The following IL15RA variants were observed in gnomAD, a reference collection of about 807,000 sequenced individuals.
IL15RA encodes interleukin 15 receptor subunit alpha, also known as interleukin-15 receptor subunit alpha.
In IL15RA, 26 loss-of-function variants were observed where a neutral mutation model predicts 24.2. The ratio of observed to expected loss-of-function variants is 1.07; its 90% CI spans 0.79 to 1.49. The LOEUF (loss-of-function observed/expected upper bound fraction) is 1.49. Ranked by LOEUF, IL15RA falls within the 40% of genes most tolerant of loss-of-function variation. IL15RA has a pLI of 0.00. For missense variants in IL15RA, 354 were observed against 356.4 expected (o/e 0.99, Z 0.05); for synonymous variants, 166 against 157.6 (o/e 1.05, Z -0.40).
Position 5,966,808 on chromosome 10 carries a change from T to C in IL15RA, c.89-469A>G, listed in dbSNP as rs2132536063. 6.6e-6 allele frequency among the ~76,000 whole-genome samples: 1 copy of C among 152,098 alleles called. No individual in the cohort carries two copies. ...CAACATGGTGACACCCCATCTTTATTAAAAATACAAAAAATTAGCCGGGCG... is the reference window on the plus strand; with the variant it reads ...CAACATGGTGACACCCCATCTTTATCAAAAATACAAAAAATTAGCCGGGCG... On this transcript the variant is annotated intron_variant, in intron 1 of 6. Transcript: ENST00000379977. This position sits in a 1 kb window ranked among gnomAD's most constrained non-coding sequence, Gnocchi z 6.4.
rs985209100 is a variant in IL15RA at position 5,967,450 on chromosome 10, G to A, written c.89-1111C>T. On this transcript the variant is annotated intron_variant, in intron 1 of 6. Coordinates refer to ENST00000379977, the MANE Select transcript of IL15RA (RefSeq NM_002189.4). The surrounding 1 kb of genome is among the most constrained non-coding windows in gnomAD (Gnocchi z 4.4). Reference sequence around the variant, plus strand: ...GATCTCTTGACCTTGTGATCATCCCGCTTTGGCCTCCCAAAGTGTTGGGAT... The same window carrying A: ...GATCTCTTGACCTTGTGATCATCCCACTTTGGCCTCCCAAAGTGTTGGGAT... 1.1e-4 allele frequency among the ~76,000 whole-genome samples: 16 copies of A among 152,096 alleles called. No individual in the cohort carries two copies. Among genetic ancestry groups the A allele is most frequent in the African/African-American group, 2.4e-4 (10 of 41,420 alleles).
In IL15RA at chr10:5,958,631, C is replaced by A. The variant is rs530679886; in HGVS notation, c.616+1123G>T. Among the ~76,000 whole-genome samples the A allele has an allele frequency of 6.6e-6, 1 of 152,316 alleles. No individual in the cohort carries two copies. The highest frequency in any genetic ancestry group is 1.9e-4 in the East Asian group (1 of 5,184). Reference sequence around the variant, plus strand: ...GGGACTCCTGGCCTCCAGTGATCAGCCCCCCTCGGCCTCCCAAACTGCTGG... The same window carrying A: ...GGGACTCCTGGCCTCCAGTGATCAGACCCCCTCGGCCTCCCAAACTGCTGG... On this transcript the variant is annotated intron_variant, in intron 5 of 6. Transcript: ENST00000379977. This position sits in a 1 kb window ranked among gnomAD's most constrained non-coding sequence, Gnocchi z 4.3.
chr10:5,957,844 G>A (rs1834795613), intron 5 of IL15RA, among the ~76,000 whole-genome samples: 1 of 151,898 alleles, frequency 6.6e-6, no homozygotes, highest in Non-Finnish European at 1.5e-5. Flanking sequence ...TGCCCACCTT[G>A]GCCTCCCAAA....
In IL15RA at chr10:5,966,995, C is replaced by T. The variant is rs8177683; in HGVS notation, c.89-656G>A. ...AACTCCTAACCTCAAATGATCTGCC[C>T]GCCTCGGCCTCCCAAAGTGCTGGGA... On this transcript the variant is annotated intron_variant, in intron 1 of 6. Transcript: ENST00000379977. This position sits in a 1 kb window ranked among gnomAD's most constrained non-coding sequence, Gnocchi z 6.4. Among the ~76,000 whole-genome samples, 44,227 of 151,672 alleles carry T rather than the reference C, an allele frequency of 0.29. 6,653 individuals are homozygous for T. Among genetic ancestry groups the T allele is most frequent in the South Asian group, 0.35 (1,682 of 4,800 alleles).
In IL15RA at chr10:5,960,518, T is replaced by C. The variant is rs760822992; in HGVS notation, c.432A>G (p.Ala144=). 12 of 1,614,030 alleles carry C rather than the reference T, an allele frequency of 7.4e-6. No individual in the cohort carries two copies. Among genetic ancestry groups the C allele is most frequent in the Admixed American group, 1.7e-5 (1 of 60,000 alleles). ...TCAGCTGGGAGCCCGGGACAATAGC[T>C]GCTGTTGTGGCCGCTGTGTTGTTTG... ...PSSNNTAATT[A]AIVPGSQLMP... is the part of the protein sequence containing the mutation. Residue 144 remains alanine (A), a synonymous_variant, in exon 4 of 7, where the codon GCA becomes GCG. Transcript: ENST00000379977. The surrounding 1 kb of genome is among the most constrained non-coding windows in gnomAD (Gnocchi z 5.1).
rs765886730 is a variant in IL15RA, at chr10:5,966,281, G to T, written c.147C>A (p.Tyr49Ter). 2 of 1,614,088 alleles carry T rather than the reference G, an allele frequency of 1.2e-6. No homozygotes were observed. Among genetic ancestry groups the T allele is most frequent in the Admixed American group, 1.7e-5 (1 of 60,030 alleles). ...TGTACCGCTCCCTGGAGTACAAGCTGTAGCTCTTGACCCAGATGTCTGCGT... is the reference window on the plus strand; with the variant it reads ...TGTACCGCTCCCTGGAGTACAAGCTTTAGCTCTTGACCCAGATGTCTGCGT... ...VEHADIWVKS[Y>*]SLYSRERYIC... The change falls in exon 2 of 7, where the codon TAC (tyrosine) becomes TAA (stop). Residue 49 changes from tyrosine to a stop codon, truncating the protein, a stop_gained. Coordinates refer to ENST00000379977, the MANE Select transcript of IL15RA (RefSeq NM_002189.4). LOFTEE classifies it high-confidence loss of function. The surrounding 1 kb of genome is among the most constrained non-coding windows in gnomAD (Gnocchi z 6.4).
In IL15RA at chr10:5,955,389, G is replaced by T. The variant is rs538864225; in HGVS notation, c.692+990C>A. Among the ~76,000 whole-genome samples the T allele has an allele frequency of 6.6e-6, 1 of 151,986 alleles. No homozygotes were observed. The highest frequency in any genetic ancestry group is 1.5e-5 in the Non-Finnish European group (1 of 67,988). On this transcript the variant is annotated intron_variant, in intron 6 of 6. Coordinates refer to ENST00000379977, the MANE Select transcript of IL15RA (RefSeq NM_002189.4). This position sits in a 1 kb window ranked among gnomAD's most constrained non-coding sequence, Gnocchi z 5.3. Reference sequence around the variant, plus strand: ...GCTGGGATTACAGGCATGAGCTACCGTGCCCAGCCAGGGTCACATAATTTT... The same window carrying T: ...GCTGGGATTACAGGCATGAGCTACCTTGCCCAGCCAGGGTCACATAATTTT...
At chr10:5,977,319 G>A (rs953057584) in intron 1 of IL15RA, 86 bp downstream of exon 1, 1 of 603,400 alleles carries the variant, frequency 1.7e-6, no homozygotes, top group East Asian at 3.6e-5. Context: ...CACGGCCCGG[G>A]GAGATGGGGC....
chr10:5,952,783 A>G lies in IL15RA; in HGVS notation c.*312T>C, dbSNP rs1016749521. The stretch of plus-strand genomic sequence containing the variant: ...GGGGCAGGGTTTTTATTTCATTACC[A>G]CATGTATTCCAGGCAGCTCACACTG... On this transcript the variant is annotated 3_prime_UTR_variant, in exon 7 of 7. Transcript: ENST00000379977. 7.6e-6 allele frequency: 3 copies of G among 393,838 alleles called. No homozygotes were observed. Among genetic ancestry groups the G allele is most frequent in the African/African-American group, 6.1e-5 (3 of 49,010 alleles). 24.4% of individuals were successfully genotyped at this position (393,838 alleles called of 1,614,324 possible).
intron 6 of IL15RA, among the ~76,000 whole-genome samples, chr10:5,954,343 G>A (rs1445720342): frequency 6.6e-6 from 1 of 152,062 alleles, no homozygotes; most frequent in Non-Finnish European, 1.5e-5. Flanking sequence ...CAAAAAAAGC[G>A]ATGCATGCAC....
Position 5,971,066 on chromosome 10 carries a change from AT to A in IL15RA, c.89-4728del, listed in dbSNP as rs1837531535. Among the ~76,000 whole-genome samples, 1 of 152,182 alleles carries A rather than the reference AT, an allele frequency of 6.6e-6. No homozygotes were observed. The highest frequency in any genetic ancestry group is 1.5e-5 in the Non-Finnish European group (1 of 68,028). On this transcript the variant is annotated intron_variant, in intron 1 of 6. Coordinates refer to ENST00000379977, the MANE Select transcript of IL15RA (RefSeq NM_002189.4). The surrounding 1 kb of genome is among the most constrained non-coding windows in gnomAD (Gnocchi z 5.5). ...CCACATGCCTTAATCACATCTTTAGATACTTGAATTATACTTTCTATATATT... is the reference window on the plus strand; with the variant it reads ...CCACATGCCTTAATCACATCTTTAGAACTTGAATTATACTTTCTATATATT...
chr10:5,963,974 A>G lies in IL15RA; in HGVS notation c.284-133T>C, dbSNP rs1836045706. ...GGCCTCTGGCTTCCTCAGACAGGTTAAAAGCATAAGAAACAATGTTTCCCC... is the reference window on the plus strand; with the variant it reads ...GGCCTCTGGCTTCCTCAGACAGGTTGAAAGCATAAGAAACAATGTTTCCCC... On this transcript the variant is annotated intron_variant, in intron 2 of 6. Coordinates refer to ENST00000379977, the MANE Select transcript of IL15RA (RefSeq NM_002189.4). This position sits in a 1 kb window ranked among gnomAD's most constrained non-coding sequence, Gnocchi z 5.3. 1.7e-6 allele frequency: 1 copy of G among 599,212 alleles called. No homozygotes were observed. The highest frequency in any genetic ancestry group is 2.9e-6 in the Non-Finnish European group (1 of 341,776). 37.1% of individuals were successfully genotyped at this position (599,212 alleles called of 1,614,324 possible).
chr10:5,955,314 G>T lies in IL15RA; in HGVS notation c.692+1065C>A, dbSNP rs1834368090. ...GGGTTTCTCCATGTTGGTCAGGCTGGTCTCGAACTCCTGACCTCACGCGAT... is the reference window on the plus strand; with the variant it reads ...GGGTTTCTCCATGTTGGTCAGGCTGTTCTCGAACTCCTGACCTCACGCGAT... On this transcript the variant is annotated intron_variant, in intron 6 of 6. Transcript: ENST00000379977. This position sits in a 1 kb window ranked among gnomAD's most constrained non-coding sequence, Gnocchi z 5.3. Among the ~76,000 whole-genome samples, 1 of 152,068 alleles carries T rather than the reference G, an allele frequency of 6.6e-6. No individual in the cohort carries two copies. The highest frequency in any genetic ancestry group is 2.4e-5 in the African/African-American group (1 of 41,388).
chr10:5,976,263 G>T (rs1312399442), intron 1 of IL15RA, among the ~76,000 whole-genome samples: 1 of 144,162 alleles, frequency 6.9e-6, no homozygotes. Flanking sequence ...AAGAAGCCTC[G>T]CAGAGCTGGG....
rs1449392066 is a variant in IL15RA, at chr10:5,966,615, C to G, written c.89-276G>C. Among the ~76,000 whole-genome samples, 4 of 152,064 alleles carry G rather than the reference C, an allele frequency of 2.6e-5. No homozygotes were observed. The East Asian group carries it at 7.7e-4, about 29-fold the overall frequency. ...ACACCCTCTCCCTTCATTTCCCACC[C>G]CTCTCCAAGCCCTCAGTCTCTCTTA... On this transcript the variant is annotated intron_variant, in intron 1 of 6. Transcript: ENST00000379977. This position sits in a 1 kb window ranked among gnomAD's most constrained non-coding sequence, Gnocchi z 6.4.
At position 5,958,913 on chromosome 10, in the gene IL15RA, C is replaced by T. The variant is rs1358925000; in HGVS notation, c.616+841G>A. ...GCTTGTCAGCCTGGAGCATGACTTG[C>T]ATTCTTCTCATTACCTGCGTTCTTC... On this transcript the variant is annotated intron_variant, in intron 5 of 6. Coordinates refer to ENST00000379977, the MANE Select transcript of IL15RA (RefSeq NM_002189.4). The surrounding 1 kb of genome is among the most constrained non-coding windows in gnomAD (Gnocchi z 4.3). Among the ~76,000 whole-genome samples, 1 of 152,160 alleles carries T rather than the reference C, an allele frequency of 6.6e-6. No individual in the cohort carries two copies. Among genetic ancestry groups the T allele is most frequent in the African/African-American group, 2.4e-5 (1 of 41,450 alleles).
At position 5,977,416 on chromosome 10, in the gene IL15RA, G is replaced by C; in HGVS notation, c.77C>G (p.Pro26Arg). 7.5e-7 allele frequency: 1 copy of C among 1,339,164 alleles called. No homozygotes were observed. 83.0% of individuals were successfully genotyped at this position (1,339,164 alleles called of 1,614,324 possible). A position where few individuals can be genotyped will look rare whatever the true frequency, so the allele number is the denominator to read the frequency against. The change falls in exon 1 of 7, where the codon CCG becomes CGG. Residue 26 changes from proline (P) to arginine (R), a missense_variant. Physicochemically the swap from Pro to Arg is moderately radical, Grantham distance 103. Coordinates refer to ENST00000379977, the MANE Select transcript of IL15RA (RefSeq NM_002189.4). ...TCCCAGCTCCCTACCCCGCGTCGCC[G>C]GCGGCCGGAGCAGCAGCAGCAGTAG... is the stretch of plus-strand genomic sequence containing the variant. ...ALLLLLLLRP[P>R]ATRGITCPPP... is the part of the protein sequence containing the mutation.
At position 5,960,621 on chromosome 10, in the gene IL15RA, C is replaced by A; in HGVS notation, c.383-54G>T. Reference sequence around the variant, plus strand: ...ATCAGTGTGCAGACTCCCCTCCTCTCAGCTGCAGCACGGGGTGATGTGGGA... The same window carrying A: ...ATCAGTGTGCAGACTCCCCTCCTCTAAGCTGCAGCACGGGGTGATGTGGGA... On this transcript the variant is annotated intron_variant, in intron 3 of 6. Transcript: ENST00000379977. The surrounding 1 kb of genome is among the most constrained non-coding windows in gnomAD (Gnocchi z 5.1). 1 of 1,480,008 alleles carries A rather than the reference C, an allele frequency of 6.8e-7. No homozygotes were observed. The highest frequency in any genetic ancestry group is 1.2e-5 in the South Asian group (1 of 86,302). 91.7% of individuals were successfully genotyped at this position (1,480,008 alleles called of 1,614,324 possible).
Position 5,962,286 on chromosome 10 carries a change from T to C in IL15RA, c.382+1457A>G, listed in dbSNP as rs1835713499. Among the ~76,000 whole-genome samples, 2 of 152,166 alleles carry C rather than the reference T, an allele frequency of 1.3e-5. No individual in the cohort carries two copies. Among genetic ancestry groups the C allele is most frequent in the South Asian group, 4.1e-4 (2 of 4,826 alleles). ...CTCCCTTAAGATGCAGGCCTCAGCC[T>C]TGGCCACTTAAGAACCACCTGTGGG... On this transcript the variant is annotated intron_variant, in intron 3 of 6. Coordinates refer to ENST00000379977, the MANE Select transcript of IL15RA (RefSeq NM_002189.4). This position sits in a 1 kb window ranked among gnomAD's most constrained non-coding sequence, Gnocchi z 5.2.
Sources: gnomAD v4.1 joint callset for allele counts (sites outside exome capture counted in the v4.1 genomes callset) on GRCh38, gnomAD v4.1.1 for gene constraint, Gnocchi (gnomAD v3.1) non-coding constraint, MANE v1.5 for transcripts, NCBI Gene and HGNC (gene_info 2026-07-23, HGNC 2026-07-21) for gene names.